Variants in PLEKHA6 observed in about 807,000 individuals in gnomAD.
PLEKHA6 encodes pleckstrin homology domain-containing family A member 6.
In PLEKHA6, 60 loss-of-function variants were observed where a neutral mutation model predicts 116.7. That is an observed-to-expected ratio of 0.51 (90% CI 0.42 to 0.64). The LOEUF (loss-of-function observed/expected upper bound fraction) is 0.64, where lower values mean the gene tolerates loss of function less well. PLEKHA6 is among the 30% of genes least tolerant of loss of function. The pLI, the probability that PLEKHA6 is intolerant of heterozygous loss-of-function variation, is 0.00. For missense variants in PLEKHA6, 1,338 were observed against 1,422.7 expected (o/e 0.94, Z 0.96); for synonymous variants, 489 against 556.1 (o/e 0.88, Z 1.70).
intron 15 of PLEKHA6, 148 bp downstream of exon 15, chr1:204,244,716 G>A (rs1454421553): frequency 1.9e-6 from 1 of 530,216 alleles, no homozygotes; most frequent in Non-Finnish European, 3.2e-6. Flanking sequence ...AAAATGGGGT[G>A]TGAGAATGAC....
intron 11 of PLEKHA6, 48 bp downstream of exon 11, chr1:204,249,136 C>A (rs1158661045): frequency 6.5e-7 from 1 of 1,532,272 alleles, no homozygotes. Context: ...CTTCTCCAAG[C>A]CAGCCTCGCC....
chr1:204,364,971 A>T (rs1399346710), intron 3 of PLEKHA6, among the ~76,000 whole-genome samples: 2 of 152,180 alleles, frequency 1.3e-5, no homozygotes, highest in African/African-American at 4.8e-5. Flanking sequence ...ATCCCTGAAG[A>T]AGTGACATCA....
intron 1 of PLEKHA6, chr1:204,327,046 T>C: frequency 1.0e-6 from 1 of 978,588 alleles, no homozygotes; most frequent in South Asian, 4.7e-5. Context: ...CTCTCCCCAG[T>C]CTCTCTCCAT....
chr1:204,366,760 T>TA (rs1284770111), intron 3 of PLEKHA6, among the ~76,000 whole-genome samples: 5 of 151,710 alleles, frequency 3.3e-5, no homozygotes, highest in Non-Finnish European at 7.4e-5. Flanking sequence ...GACCCTATCT[T>TA]AAAAAAAAGA....
intron 1 of PLEKHA6, among the ~76,000 whole-genome samples, chr1:204,315,313 T>G (rs935636102): frequency 5.3e-5 from 8 of 152,318 alleles, no homozygotes; most frequent in Non-Finnish European, 7.3e-5. Flanking sequence ...CCTCCACGGT[T>G]TGGCATCCAA....
rs1384225393 is a variant in PLEKHA6 at position 204,230,456 on chromosome 1, G to T, written c.2540C>A (p.Ala847Asp). Residue 847 changes from alanine (A) to aspartate (D), a missense_variant, in exon 18 of 23, where the codon GCC becomes GAC. Physicochemically the swap from Ala to Asp is moderately radical, Grantham distance 126. Transcript: ENST00000272203. The part of the protein sequence containing the change: ...REKRRSLQLP[A>D]SPAPDPSPRP... ...GGGACTGGGGTCGGGGGCCGGGCTG[G>T]CCGGGAGCTGCAGGCTCCTCCGCTT... The T allele has an allele frequency of 6.3e-7, 1 of 1,581,954 alleles. No individual in the cohort carries two copies. The highest frequency in any genetic ancestry group is 1.3e-5 in the African/African-American group (1 of 74,754).
At chr1:204,357,188 T>C (rs1673437701) in intron 1 of PLEKHA6, among the ~76,000 whole-genome samples, 1 of 152,218 alleles carries the variant, frequency 6.6e-6, no homozygotes, top group African/African-American at 2.4e-5. Context: ...CATAGAAGAA[T>C]GTTCCAGCCA....
chr1:204,328,710 C>T (rs912056887), intron 1 of PLEKHA6, among the ~76,000 whole-genome samples: 2 of 152,214 alleles, frequency 1.3e-5, no homozygotes, highest in African/African-American at 4.8e-5. Context: ...CAATTGTCTG[C>T]TGCTACTCTG....
At chr1:204,372,468 A>G (rs1285389576) in intron 1 of PLEKHA6, among the ~76,000 whole-genome samples, 1 of 152,188 alleles carries the variant, frequency 6.6e-6, no homozygotes, top group African/African-American at 2.4e-5. Context: ...TATGTGGAGG[A>G]AGGGACTCTC....
At chr1:204,294,259 A>G (rs1670053307) in intron 1 of PLEKHA6, among the ~76,000 whole-genome samples, 1 of 152,292 alleles carries the variant, frequency 6.6e-6, no homozygotes. Flanking sequence ...CTGGTTGGAC[A>G]TTTCTTCTTG....
At chr1:204,269,377 C>T (rs12048143) in intron 3 of PLEKHA6, among the ~76,000 whole-genome samples, 24,563 of 142,778 alleles carry the variant, frequency 0.17, 3,103 homozygotes, top group East Asian at 0.28. Flanking sequence ...AAACTCAATA[C>T]GGCACTCCAA....
intron 1 of PLEKHA6, chr1:204,297,776 A>T (rs1313689948): frequency 2.2e-6 from 1 of 457,402 alleles, no homozygotes; most frequent in South Asian, 9.3e-5. Context: ...ACTGAAATTC[A>T]GTCCCCTCTA....
chr1:204,357,463 A>G (rs1232068036), intron 1 of PLEKHA6, among the ~76,000 whole-genome samples: 1 of 152,126 alleles, frequency 6.6e-6, no homozygotes, highest in African/African-American at 2.4e-5. Context: ...CTCCCAAAAT[A>G]TAGTCTTTTT....
At position 204,274,736 on chromosome 1, in the gene PLEKHA6, A is replaced by C; in HGVS notation, c.-21T>G. On this transcript the variant is annotated 5_prime_UTR_variant, in exon 2 of 23. Transcript: ENST00000272203. ...AGTAGGGGACACACTTACATTTTCA[A>C]GTCAAATTTTTTGTTTTCCTCTGGG... 1.0e-6 allele frequency: 1 copy of C among 985,924 alleles called. No individual in the cohort carries two copies. Among genetic ancestry groups the C allele is most frequent in the Middle Eastern group, 5.2e-4 (1 of 1,914 alleles). 61.1% of individuals were successfully genotyped at this position (985,924 alleles called of 1,614,324 possible).
chr1:204,288,672 A>C (rs1669444121), intron 1 of PLEKHA6, among the ~76,000 whole-genome samples: 2 of 152,230 alleles, frequency 1.3e-5, no homozygotes, highest in Non-Finnish European at 2.9e-5. Flanking sequence ...TGCTCTGTCC[A>C]GGTAGAGTGA....
At chr1:204,315,476 C>T (rs931834484) in intron 1 of PLEKHA6, among the ~76,000 whole-genome samples, 1 of 152,226 alleles carries the variant, frequency 6.6e-6, no homozygotes, top group South Asian at 2.1e-4. Flanking sequence ...CCTTCCCTCT[C>T]CCCCAGATGC....
intron 1 of PLEKHA6, among the ~76,000 whole-genome samples, chr1:204,375,305 A>G (rs947765778): frequency 2.0e-5 from 3 of 151,970 alleles, no homozygotes; most frequent in African/African-American, 7.3e-5. Flanking sequence ...GGGAACCTCA[A>G]CTGCAGTGTT....
chr1:204,243,316 G>A (rs1663120565), intron 15 of PLEKHA6: 7 of 399,626 alleles, frequency 1.8e-5, no homozygotes, highest in South Asian at 1.3e-4. Flanking sequence ...GCCACTGTGA[G>A]AGCAGGAGAA....
At chr1:204,355,998 CACAA>C (rs1208373303) in intron 1 of PLEKHA6, among the ~76,000 whole-genome samples, 138 of 28,310 alleles carry the variant, frequency 4.9e-3, no homozygotes, top group African/African-American at 9.6e-3. Context: ...CACACACACA[CACAA>C]AAAAAATCCA....
Sources: gnomAD v4.1 joint callset for allele counts (sites outside exome capture counted in the v4.1 genomes callset) on GRCh38, gnomAD v4.1.1 for gene constraint, MANE v1.5 for transcripts, NCBI Gene and HGNC (gene_info 2026-07-23, HGNC 2026-07-21) for gene names.